The following TRPM8 variants were observed in gnomAD, a reference collection of about 807,000 sequenced individuals.
The protein encoded by TRPM8 is transient receptor potential cation channel subfamily M member 8, also known as TRPM8 cationic channel.
A neutral mutation model predicts 133.7 loss-of-function variants in TRPM8; 110 were observed. The ratio of observed to expected loss-of-function variants is 0.82; its 90% confidence interval spans 0.70 to 0.96. The LOEUF is 0.96. Ranked by LOEUF, TRPM8 falls within the 40% of genes least tolerant of loss-of-function variation. TRPM8 has a pLI of 0.00. For synonymous variants in TRPM8, 535 were observed against 532.3 expected, an observed-to-expected ratio of 1.01 and a Z score of -0.07; for missense variants, 1,291 against 1,379.5, an observed-to-expected ratio of 0.94 and a Z score of 1.02.
chr2:233,934,086 T>G (rs1450429428), intron 3 of TRPM8: 3 of 166,166 alleles, frequency 1.8e-5, no homozygotes, highest in Non-Finnish European at 4.4e-5. Context: ...TAATTAAGAC[T>G]TTTGGTTACA....
chr2:233,931,265 G>A (rs1038109522), intron 3 of TRPM8, among the ~76,000 whole-genome samples: 2 of 152,220 alleles, frequency 1.3e-5, no homozygotes, highest in Non-Finnish European at 2.9e-5. Context: ...CTGTTGATGA[G>A]CAAGTGAGTG....
At chr2:234,001,280 C>A (rs1692556851) in intron 22 of TRPM8, among the ~76,000 whole-genome samples, 1 of 152,122 alleles carries the variant, frequency 6.6e-6, no homozygotes, top group South Asian at 2.1e-4. Flanking sequence ...ATCAGAGAGA[C>A]CTTCCTGATT....
intron 9 of TRPM8, among the ~76,000 whole-genome samples, chr2:233,951,034 CTACAAACAAACA>C (rs913064412): frequency 6.8e-6 from 1 of 146,184 alleles, no homozygotes; most frequent in Admixed American, 7.3e-5. Flanking sequence ...GACCCCGTCC[CTACAAACAAACA>C]AACAAACAAA....
chr2:233,925,299 C>T (rs532879083), intron 1 of TRPM8, among the ~76,000 whole-genome samples: 5 of 152,338 alleles, frequency 3.3e-5, no homozygotes, highest in African/African-American at 9.6e-5. Context: ...AAGATACAGT[C>T]CTTGGCCTCA....
chr2:233,931,950 G>A lies in TRPM8; in HGVS notation c.191+1209G>A, dbSNP rs112971139. Among the ~76,000 whole-genome samples the A allele has an allele frequency of 8.7e-3, 1,330 of 152,346 alleles. 11 individuals are homozygous for A. Among genetic ancestry groups the A allele is most frequent in the African/African-American group, 0.028 (1,170 of 41,580 alleles). On this transcript the variant is annotated intron_variant, in intron 3 of 25. Coordinates refer to ENST00000324695, the MANE Select transcript of TRPM8 (RefSeq NM_024080.5). ...CAGAGAAGTTCAGTATTTTACCCAT[G>A]GTCACATGTGCAGTGGAAGATGGAT...
At chr2:233,974,735 CA>C (rs1559537043) in intron 17 of TRPM8, among the ~76,000 whole-genome samples, 15 of 152,076 alleles carry the variant, frequency 9.9e-5, no homozygotes, top group Non-Finnish European at 2.1e-4. Context: ...AGAGGCACGG[CA>C]TCTGTAGGAA....
At chr2:233,973,889 G>C (rs887358362) in intron 17 of TRPM8, among the ~76,000 whole-genome samples, 2 of 152,214 alleles carry the variant, frequency 1.3e-5, no homozygotes, top group African/African-American at 4.8e-5. Context: ...AGGAGCCCTG[G>C]AGCCACGGTG....
intron 12 of TRPM8, among the ~76,000 whole-genome samples, chr2:233,961,965 C>T (rs1691450722): frequency 6.6e-6 from 1 of 152,152 alleles, no homozygotes; most frequent in Non-Finnish European, 1.5e-5. Flanking sequence ...GTGTGGTATA[C>T]TTTCTGAAGG....
At position 233,961,046 on chromosome 2, in the gene TRPM8, G is replaced by A. The variant is rs200725140; in HGVS notation, c.1633G>A (p.Glu545Lys). ...FRKEDRNGRD[E>K]MDIELHDVSP... ...GAAGGAAGACAGAAATGGCCGGGAC[G>A]AGATGGACATAGAACTCCACGTAGG... is the stretch of plus-strand genomic sequence containing the variant. Residue 545 changes from glutamate to lysine, a missense_variant, in exon 12 of 26, where the codon GAG becomes AAG. Coordinates refer to ENST00000324695, the MANE Select transcript of TRPM8 (RefSeq NM_024080.5). The A allele has an allele frequency of 1.6e-5, 26 of 1,614,052 alleles. No homozygotes were observed. The highest frequency in any genetic ancestry group is 2.1e-5 in the Non-Finnish European group (25 of 1,180,024).
intron 1 of TRPM8, among the ~76,000 whole-genome samples, chr2:233,924,175 G>A (rs2125031596): frequency 6.6e-6 from 1 of 152,274 alleles, no homozygotes; most frequent in East Asian, 1.9e-4. Context: ...AGTCCAAGGT[G>A]GGCAAGTCAG....
intron 6 of TRPM8, 102 bp downstream of exon 6, chr2:233,942,850 A>G (rs2125104432): frequency 7.1e-7 from 1 of 1,411,950 alleles, no homozygotes; most frequent in East Asian, 2.3e-5. Context: ...AGCCAGCCAG[A>G]TCATGGGGAA....
intron 13 of TRPM8, among the ~76,000 whole-genome samples, chr2:233,964,282 TG>T (rs1454880907): frequency 1.3e-5 from 2 of 152,120 alleles, no homozygotes; most frequent in African/African-American, 2.4e-5. Flanking sequence ...CTGGGCTTGG[TG>T]GCTCACACCT....
chr2:233,923,167 C>A (rs1188162494), intron 1 of TRPM8, among the ~76,000 whole-genome samples: 1 of 152,180 alleles, frequency 6.6e-6, no homozygotes, highest in Non-Finnish European at 1.5e-5. Context: ...CCGTGCCCGG[C>A]CATTTTTATG....
Position 233,983,235 on chromosome 2 carries a change from C to A in TRPM8, c.2761+11C>A. On this transcript the variant is annotated intron_variant, in intron 20 of 25. Coordinates refer to ENST00000324695, the MANE Select transcript of TRPM8 (RefSeq NM_024080.5). ...CCAGTGACGTGGATGGTAAGCCTGA[C>A]TTGGCTCAGATGGAAACAGCTTGGA... 6.2e-7 allele frequency: 1 copy of A among 1,614,044 alleles called. No individual in the cohort carries two copies. The highest frequency in any genetic ancestry group is 8.5e-7 in the Non-Finnish European group (1 of 1,179,968).
chr2:233,983,264 G>A (rs202225286), intron 20 of TRPM8, 40 bp downstream of exon 20: 17 of 1,612,884 alleles, frequency 1.1e-5, no homozygotes, highest in Non-Finnish European at 1.4e-5. Flanking sequence ...GCTTGGAGGA[G>A]GCATTTGCTC....
At chr2:233,955,379 A>G in intron 11 of TRPM8, 129 bp downstream of exon 11, 1 of 659,224 alleles carries the variant, frequency 1.5e-6, no homozygotes, top group South Asian at 2.1e-5. Flanking sequence ...CCAGAATATC[A>G]GGATTGCTGA....
intron 1 of TRPM8, among the ~76,000 whole-genome samples, chr2:233,917,933 T>A (rs80327938): frequency 4.1e-4 from 63 of 152,350 alleles, no homozygotes; most frequent in Non-Finnish European, 7.6e-4. Context: ...ATTTAGCTTG[T>A]TTTTACATAC....
intron 3 of TRPM8, among the ~76,000 whole-genome samples, chr2:233,934,771 T>C (rs2125067791): frequency 6.6e-6 from 1 of 152,370 alleles, no homozygotes; most frequent in South Asian, 2.1e-4. Flanking sequence ...AGCAGAAACT[T>C]GGCCACAGTT....
intron 4 of TRPM8, among the ~76,000 whole-genome samples, chr2:233,938,591 GA>G (rs1219728436): frequency 1.3e-5 from 2 of 152,266 alleles, no homozygotes; most frequent in East Asian, 3.9e-4. Flanking sequence ...GCAAAGGCGG[GA>G]CAACTCGAAA....
Sources: gnomAD v4.1 joint callset for allele counts (sites outside exome capture counted in the v4.1 genomes callset) on GRCh38, gnomAD v4.1.1 for gene constraint, MANE v1.5 for transcripts, NCBI Gene and HGNC (gene_info 2026-07-23, HGNC 2026-07-21) for gene names.